SCEL: variants seen among roughly 807,000 people sequenced by gnomAD.
The protein encoded by SCEL is sciellin.
Under a neutral mutation model 117.6 loss-of-function variants are expected in SCEL, and 113 were observed. That is an observed-to-expected ratio of 0.96 (90% CI 0.83 to 1.12). The LOEUF (loss-of-function observed/expected upper bound fraction) is 1.12. Ranked by LOEUF, SCEL falls within the 50% of genes most tolerant of loss-of-function variation. The pLI is 0.00. For missense variants in SCEL, 785 were observed against 810.8 expected (o/e 0.97, Z 0.39); for synonymous variants, 270 against 256.2 (o/e 1.05, Z -0.51).
intron 12 of SCEL, 42 bp downstream of exon 12, chr13:77,593,615 G>T (rs1370481243): frequency 1.3e-6 from 2 of 1,510,454 alleles, no homozygotes; most frequent in African/African-American, 1.4e-5. Context: ...TATCTTCCCT[G>T]GTGTTTCAAA....
intron 22 of SCEL, among the ~76,000 whole-genome samples, chr13:77,610,449 CAAA>C (rs11356008): frequency 7.5e-4 from 84 of 112,462 alleles, no homozygotes; most frequent in Middle Eastern, 4.5e-3. Flanking sequence ...AAGACTCCGT[CAAA>C]AAAAAAAAAA....
chr13:77,642,787 C>T lies in SCEL; in HGVS notation c.2029C>T (p.Pro677Ser), dbSNP rs143964243. The change falls in exon 32 of 33, where the codon CCT becomes TCT. Residue 677 changes from proline (P) to serine (S), a missense_variant. By Grantham distance (74) the Pro-to-Ser change is moderately conservative. Transcript: ENST00000349847. The stretch of plus-strand genomic sequence containing the variant: ...TTATAGACAGACAATACACTGTGAA[C>T]CTTGCTACTCTAAAATTATGGGTAA... ...WIYRQTIHCE[P>S]CYSKIMAKWI... 1.3e-3 allele frequency: 2,042 copies of T among 1,594,182 alleles called. 3 individuals are homozygous for T. Among genetic ancestry groups the T allele is most frequent in the Non-Finnish European group, 1.6e-3 (1,896 of 1,168,724 alleles).
chr13:77,626,685 C>T (rs1016670108), intron 27 of SCEL, among the ~76,000 whole-genome samples: 2 of 152,168 alleles, frequency 1.3e-5, no homozygotes, highest in Non-Finnish European at 2.9e-5. Context: ...ACTTGTTTCT[C>T]CTTCACCTTC....
chr13:77,632,714 A>C (rs2090081806), intron 28 of SCEL, among the ~76,000 whole-genome samples: 1 of 152,202 alleles, frequency 6.6e-6, no homozygotes, highest in South Asian at 2.1e-4. Context: ...AGGAGCTTAA[A>C]TTTTCTCTAT....
At chr13:77,619,231 A>G (rs1246759874) in intron 27 of SCEL, among the ~76,000 whole-genome samples, 2 of 152,194 alleles carry the variant, frequency 1.3e-5, no homozygotes, top group African/African-American at 4.8e-5. Flanking sequence ...CTTGTTTTCT[A>G]TCTGAGTATC....
intron 24 of SCEL, 35 bp downstream of exon 24, chr13:77,613,990 G>A (rs80065012): frequency 0.02 from 31,604 of 1,555,584 alleles, 996 homozygotes; most frequent in East Asian, 0.12. Flanking sequence ...TGTGTTTCTC[G>A]TTAAGTAAAC....
intron 4 of SCEL, among the ~76,000 whole-genome samples, chr13:77,561,117 A>G (rs1053755246): frequency 5.9e-5 from 9 of 152,202 alleles, no homozygotes; most frequent in Non-Finnish European, 8.8e-5. Context: ...TTTGAAGATC[A>G]CAGCCTGGTT....
At chr13:77,547,873 C>G (rs902862019) in intron 1 of SCEL, among the ~76,000 whole-genome samples, 1 of 152,160 alleles carries the variant, frequency 6.6e-6, no homozygotes, top group African/African-American at 2.4e-5. Flanking sequence ...ATAAACACCC[C>G]CACTGGCTTC....
At chr13:77,554,276 T>A (rs2084522689) in intron 1 of SCEL, among the ~76,000 whole-genome samples, 1 of 152,070 alleles carries the variant, frequency 6.6e-6, no homozygotes, top group African/African-American at 2.4e-5. Flanking sequence ...CAGCAGGTTG[T>A]AGTGAGTGGG....
At position 77,556,812 on chromosome 13, in the gene SCEL, C is replaced by T. The variant is rs140954871; in HGVS notation, c.161+99C>T. 6.2e-5 allele frequency: 52 copies of T among 835,626 alleles called. No individual in the cohort carries two copies. In the East Asian group the frequency reaches 1.2e-3, roughly 19 times the overall value. The allele number at this position is 835,626 out of a possible 1,614,324, so 51.8% of individuals were successfully genotyped here. ...CATCTGAAAAGTGAATACTTTTCTC[C>T]TGAAACACTTTGTTGCATGGTCTAA... On this transcript the variant is annotated intron_variant, in intron 3 of 32. Transcript: ENST00000349847.
At chr13:77,562,819 A>G (rs899056566) in intron 4 of SCEL, among the ~76,000 whole-genome samples, 1 of 152,246 alleles carries the variant, frequency 6.6e-6, no homozygotes, top group Admixed American at 6.5e-5. Context: ...GAGTACATCC[A>G]AATAGTTGCT....
At chr13:77,612,543 AT>A (rs2088734920) in intron 22 of SCEL, among the ~76,000 whole-genome samples, 1 of 148,186 alleles carries the variant, frequency 6.7e-6, no homozygotes, top group South Asian at 2.1e-4. Flanking sequence ...ACATATGGAA[AT>A]AATGAATAAT....
rs1313059377 is a variant in SCEL, at chr13:77,645,239, A to C, written c.*965A>C. ...ATGTTTACAAAAGGCTTATAAAAAT[A>C]AAATGAACTATCAGTTACATAGAAT... On this transcript the variant is annotated 3_prime_UTR_variant, in exon 33 of 33. Transcript: ENST00000349847. The C allele has an allele frequency of 1.3e-5, 2 of 152,130 alleles. No individual in the cohort carries two copies. Among genetic ancestry groups the C allele is most frequent in the African/African-American group, 4.8e-5 (2 of 41,468 alleles). 9.4% of individuals were successfully genotyped at this position (152,130 alleles called of 1,614,324 possible). A position where few individuals can be genotyped will look rare whatever the true frequency, so the allele number is the denominator to read the frequency against.
At chr13:77,535,942 T>G (rs529318882) in intron 1 of SCEL, 118 bp downstream of exon 1, 32 of 152,358 alleles carry the variant, frequency 2.1e-4, no homozygotes, top group African/African-American at 6.7e-4. Flanking sequence ...CTTTTCTTCC[T>G]GTAAATTTTG....
At chr13:77,577,961 C>T (rs1407110841) in intron 9 of SCEL, among the ~76,000 whole-genome samples, 9 of 152,136 alleles carry the variant, frequency 5.9e-5, no homozygotes, top group East Asian at 5.8e-4. Flanking sequence ...TTTTTCCCTG[C>T]GCTAGCCTGT....
At chr13:77,626,515 C>T (rs1430752906) in intron 27 of SCEL, among the ~76,000 whole-genome samples, 1 of 152,190 alleles carries the variant, frequency 6.6e-6, no homozygotes, top group Non-Finnish European at 1.5e-5. Context: ...CTCCACATCT[C>T]CACATGTCAA....
chr13:77,595,277 A>G (rs1594061486), intron 12 of SCEL, among the ~76,000 whole-genome samples: 1 of 152,186 alleles, frequency 6.6e-6, no homozygotes, highest in East Asian at 1.9e-4. Flanking sequence ...TAGTCATCAT[A>G]GAGTATTGTT....
At chr13:77,635,461 T>G (rs576246696) in intron 29 of SCEL, among the ~76,000 whole-genome samples, 1 of 152,330 alleles carries the variant, frequency 6.6e-6, no homozygotes, top group African/African-American at 2.4e-5. Flanking sequence ...ATAGGCTTTT[T>G]TTCTATATTT....
chr13:77,562,444 G>C (rs1593939680), intron 4 of SCEL, among the ~76,000 whole-genome samples: 1 of 152,248 alleles, frequency 6.6e-6, no homozygotes, highest in East Asian at 1.9e-4. Flanking sequence ...TGCCTTAACT[G>C]ATGCTGTTCC....
Sources: allele counts gnomAD v4.1 joint callset (sites outside exome capture counted in the v4.1 genomes callset), GRCh38; gene constraint gnomAD v4.1.1; transcripts MANE v1.5; gene names NCBI Gene and HGNC (gene_info 2026-07-23, HGNC 2026-07-21).